The following BICC1 variants were observed in gnomAD, a reference collection of about 807,000 sequenced individuals.
The protein encoded by BICC1 is BicC family RNA binding protein 1.
Under a neutral mutation model 111.0 loss-of-function variants are expected in BICC1, and 43 were observed. The ratio of observed to expected loss-of-function variants is 0.39; its 90% confidence interval spans 0.30 to 0.50. The LOEUF is 0.50. BICC1 is among the 20% of genes least tolerant of loss of function. The pLI is 0.88. For missense variants in BICC1, 1,091 were observed against 1,203.2 expected (o/e 0.91, Z 1.38); for synonymous variants, 467 against 434.4 (o/e 1.07, Z -0.93).
chr10:58,609,592 C>T (rs1291868077), intron 1 of BICC1, among the ~76,000 whole-genome samples: 1 of 152,216 alleles, frequency 6.6e-6, no homozygotes, highest in African/African-American at 2.4e-5. Flanking sequence ...ATCATTTCAA[C>T]ATGTAATCAA....
At chr10:58,750,248 TG>T (rs1841948212) in intron 3 of BICC1, among the ~76,000 whole-genome samples, 1 of 152,114 alleles carries the variant, frequency 6.6e-6, no homozygotes, top group South Asian at 2.1e-4. Context: ...TTCTACTGTG[TG>T]GACCCATGAT....
At chr10:58,783,159 A>G (rs960344075) in intron 3 of BICC1, among the ~76,000 whole-genome samples, 2 of 151,670 alleles carry the variant, frequency 1.3e-5, no homozygotes, top group African/African-American at 4.8e-5. Context: ...ACAAAATAGG[A>G]TAAGGAAGGG....
intron 2 of BICC1, among the ~76,000 whole-genome samples, chr10:58,694,663 A>G (rs1419041498): frequency 6.6e-6 from 1 of 150,892 alleles, no homozygotes; most frequent in African/African-American, 2.4e-5. Flanking sequence ...TTCCATTAAA[A>G]CCTCCTAATC....
At chr10:58,559,824 T>C (rs894907657) in intron 1 of BICC1, among the ~76,000 whole-genome samples, 1 of 152,122 alleles carries the variant, frequency 6.6e-6, no homozygotes, top group African/African-American at 2.4e-5. Flanking sequence ...TCAAATGCTT[T>C]TTCTGTGTTT....
chr10:58,776,288 G>A (rs564039167), intron 3 of BICC1, among the ~76,000 whole-genome samples: 22 of 152,290 alleles, frequency 1.4e-4, no homozygotes, highest in Admixed American at 6.5e-4. Flanking sequence ...TGTGTGTTAA[G>A]ATTTTTCACG....
At chr10:58,671,024 C>T (rs1026244139) in intron 2 of BICC1, among the ~76,000 whole-genome samples, 23 of 152,154 alleles carry the variant, frequency 1.5e-4, no homozygotes, top group Admixed American at 7.2e-4. Flanking sequence ...CCTTCTCTCT[C>T]GTCTTCCCTT....
rs568724561 is a variant in BICC1, at chr10:58,825,395, A to G, written c.2795-3366A>G. On this transcript the variant is annotated intron_variant, in intron 20 of 20. Coordinates refer to ENST00000373886, the MANE Select transcript of BICC1 (RefSeq NM_001080512.3). ...AACTGCATAGCCTGGGAATATTGAA[A>G]AAATTTAAGAAAAAGCTAGATATGT... Among the ~76,000 whole-genome samples, 5 of 152,332 alleles carry G rather than the reference A, an allele frequency of 3.3e-5. No individual in the cohort carries two copies. The East Asian group carries it at 9.6e-4, about 29-fold the overall frequency.
At chr10:58,569,569 G>A (rs1288311698) in intron 1 of BICC1, among the ~76,000 whole-genome samples, 2 of 152,044 alleles carry the variant, frequency 1.3e-5, no homozygotes, top group East Asian at 3.9e-4. Flanking sequence ...AGGTCCCAGT[G>A]TGTGATGTTC....
intron 2 of BICC1, among the ~76,000 whole-genome samples, chr10:58,674,816 A>T (rs1368641690): frequency 6.6e-6 from 1 of 152,202 alleles, no homozygotes; most frequent in Non-Finnish European, 1.5e-5. Flanking sequence ...TTGGGTGAGG[A>T]TAGGACAGTG....
At chr10:58,607,345 A>AAATAAATAAATAAATAAATAAATAAAT (rs1355076379) in intron 1 of BICC1, among the ~76,000 whole-genome samples, 1 of 25,554 alleles carries the variant, frequency 3.9e-5, no homozygotes, top group Admixed American at 4.7e-4. Context: ...AATAAATAAA[A>AAATAAATAAATAAATAAATAAATAAAT]CTGTCATGCT....
intron 17 of BICC1, among the ~76,000 whole-genome samples, chr10:58,810,741 C>T (rs1435619077): frequency 1.3e-5 from 2 of 152,092 alleles, no homozygotes; most frequent in African/African-American, 4.8e-5. Flanking sequence ...AAAATAGAGA[C>T]CACATCTATG....
At chr10:58,742,971 C>T (rs2132612159) in intron 3 of BICC1, among the ~76,000 whole-genome samples, 1 of 152,208 alleles carries the variant, frequency 6.6e-6, no homozygotes, top group Non-Finnish European at 1.5e-5. Flanking sequence ...CACCTGAATA[C>T]TTTGGTAGGC....
chr10:58,811,749 C>T (rs1220533157), intron 17 of BICC1, among the ~76,000 whole-genome samples: 1 of 152,146 alleles, frequency 6.6e-6, no homozygotes, highest in Non-Finnish European at 1.5e-5. Context: ...ACATATGAAA[C>T]AGAACCACTT....
At chr10:58,693,129 C>G (rs1488621454) in intron 2 of BICC1, among the ~76,000 whole-genome samples, 1 of 151,880 alleles carries the variant, frequency 6.6e-6, no homozygotes, top group South Asian at 2.1e-4. Flanking sequence ...TTTGTCCTTG[C>G]GATAGTTTGC....
intron 2 of BICC1, chr10:58,650,506 C>G (rs541491122): frequency 1.6e-4 from 25 of 152,328 alleles, no homozygotes; most frequent in African/African-American, 6.0e-4. Flanking sequence ...CAGCCTTCAA[C>G]TGTTTGGACT....
At chr10:58,732,614 C>G (rs1841352252) in intron 3 of BICC1, among the ~76,000 whole-genome samples, 1 of 150,926 alleles carries the variant, frequency 6.6e-6, no homozygotes, top group Non-Finnish European at 1.5e-5. Flanking sequence ...AACCCTGTCT[C>G]TACAAAAAAT....
intron 2 of BICC1, among the ~76,000 whole-genome samples, chr10:58,686,267 A>C (rs1330564587): frequency 6.6e-6 from 1 of 152,194 alleles, no homozygotes; most frequent in Non-Finnish European, 1.5e-5. Flanking sequence ...TTTGTGGGTA[A>C]CCCGACCTTT....
intron 1 of BICC1, among the ~76,000 whole-genome samples, chr10:58,606,306 AT>A (rs1300437368): frequency 1.3e-5 from 2 of 150,994 alleles, no homozygotes; most frequent in African/African-American, 2.4e-5. Flanking sequence ...TAGGGAGGTA[AT>A]TTTTTTCCCC....
chr10:58,794,165 T>TTGTGTGTGTGTG (rs71006206), intron 9 of BICC1, among the ~76,000 whole-genome samples: 169 of 138,290 alleles, frequency 1.2e-3, no homozygotes, highest in African/African-American at 4.0e-3. Flanking sequence ...CTTACATGTT[T>TTGTGTGTGTGTG]TGTGTGTGTG....
Sources: allele counts gnomAD v4.1 joint callset (sites outside exome capture counted in the v4.1 genomes callset), GRCh38; gene constraint gnomAD v4.1.1; transcripts MANE v1.5; gene names NCBI Gene and HGNC (gene_info 2026-07-23, HGNC 2026-07-21).